Variants in TSC22D1 observed in about 807,000 individuals in gnomAD.
TSC22D1 encodes the protein TSC22 domain family protein 1.
TSC22D1 carries 9 observed loss-of-function variants against 74.2 expected under a neutral mutation model. That is an observed-to-expected ratio of 0.12 (90% CI 0.07 to 0.21). TSC22D1 has a LOEUF of 0.21. Among genes scored for constraint, TSC22D1 ranks in the 10% least tolerant of loss-of-function variants. TSC22D1 has a pLI of 1.00. For synonymous variants in TSC22D1, 586 were observed against 492.5 expected (o/e 1.19, Z -2.51); for missense variants, 1,427 against 1,304.7 (o/e 1.09, Z -1.44).
chr13:44,450,382 G>A (rs1876025185), intron 1 of TSC22D1, among the ~76,000 whole-genome samples: 1 of 152,184 alleles, frequency 6.6e-6, no homozygotes, highest in Non-Finnish European at 1.5e-5. Flanking sequence ...TTTAGTCTGA[G>A]GGCAATGAAG....
chr13:44,556,578 T>G (rs1055445674), intron 1 of TSC22D1, among the ~76,000 whole-genome samples: 4 of 151,460 alleles, frequency 2.6e-5, no homozygotes, highest in African/African-American at 4.9e-5. Flanking sequence ...TTTAAAAAAT[T>G]TTTGTAGCCA....
At chr13:44,477,744 G>T (rs1481314614) in intron 1 of TSC22D1, among the ~76,000 whole-genome samples, 2 of 150,402 alleles carry the variant, frequency 1.3e-5, no homozygotes, top group African/African-American at 2.4e-5. Flanking sequence ...CTGGGCTCAA[G>T]TGATTCTCCT....
intron 1 of TSC22D1, among the ~76,000 whole-genome samples, chr13:44,469,020 G>A (rs1388424721): frequency 2.6e-5 from 4 of 151,958 alleles, no homozygotes; most frequent in Non-Finnish European, 4.4e-5. Context: ...CCAGATTATT[G>A]ATTGCCATAT....
chr13:44,549,663 G>C lies in TSC22D1; in HGVS notation c.2912+23500C>G, dbSNP rs965156697. Among the ~76,000 whole-genome samples, 5 of 151,782 alleles carry C rather than the reference G, an allele frequency of 3.3e-5. No homozygotes were observed. In the South Asian group the frequency reaches 1.0e-3, roughly 32 times the overall value. ...ACCTGTAGTCCCAGCTACTTGGAGA[G>C]GCTGAGGTGGGAGGGTGGCTTGAGC... On this transcript the variant is annotated intron_variant, in intron 1 of 2. Coordinates refer to ENST00000458659, the MANE Select transcript of TSC22D1 (RefSeq NM_183422.4).
rs1164668676 is a variant in TSC22D1, at chr13:44,433,451, G to A, written c.*1175C>T. 2 of 152,244 alleles carry A rather than the reference G, an allele frequency of 1.3e-5. No individual in the cohort carries two copies. Among genetic ancestry groups the A allele is most frequent in the African/African-American group, 4.8e-5 (2 of 41,400 alleles). 9.4% of individuals were successfully genotyped at this position (152,244 alleles called of 1,614,324 possible). On this transcript the variant is annotated 3_prime_UTR_variant, in exon 3 of 3. Coordinates refer to ENST00000458659, the MANE Select transcript of TSC22D1 (RefSeq NM_183422.4). ...CCTTCAGGATTTTACTAGTCAAATT[G>A]TTAACTTTACCTGGAAACAGTTGTG...
chr13:44,434,390 C>A lies in TSC22D1; in HGVS notation c.*236G>T. The stretch of plus-strand genomic sequence containing the variant: ...ATATCTGCCAAGCTGCATGAGGTCC[C>A]GGTATATCCATGCTAATTCTCGGAT... On this transcript the variant is annotated 3_prime_UTR_variant, in exon 3 of 3. Transcript: ENST00000458659. The A allele has an allele frequency of 7.3e-7, 1 of 1,371,468 alleles. No individual in the cohort carries two copies. Among genetic ancestry groups the A allele is most frequent in the Non-Finnish European group, 9.3e-7 (1 of 1,071,648 alleles). 85.0% of individuals were successfully genotyped at this position (1,371,468 alleles called of 1,614,324 possible).
rs61034237 is a variant in TSC22D1 at position 44,487,498 on chromosome 13, C to CAAA, written c.2913-51406_2913-51404dup. 3.3e-3 allele frequency among the ~76,000 whole-genome samples: 78 copies of CAAA among 23,468 alleles called. 1 individual carries two copies. Among genetic ancestry groups the CAAA allele is most frequent in the African/African-American group, 5.0e-3 (23 of 4,602 alleles). The allele number at this position is 23,468 out of a possible 152,430, so 15.4% of individuals were successfully genotyped here. A position where few individuals can be genotyped will look rare whatever the true frequency, so the allele number is the denominator to read the frequency against. ...TGGGCAACAGAGCAAGACTCCATCT[C>CAAA]AAAAAAAAAAAAAAAAAAAAAAAAA... On this transcript the variant is annotated intron_variant, in intron 1 of 2. Coordinates refer to ENST00000458659, the MANE Select transcript of TSC22D1 (RefSeq NM_183422.4).
chr13:44,478,015 T>TTAG (rs1192107465), intron 1 of TSC22D1, among the ~76,000 whole-genome samples: 1 of 152,006 alleles, frequency 6.6e-6, no homozygotes, highest in Non-Finnish European at 1.5e-5. Flanking sequence ...ATTAACACTA[T>TTAG]TTTAAAGTAA....
intron 1 of TSC22D1, among the ~76,000 whole-genome samples, chr13:44,445,216 T>TACACACACAC (rs55714213): frequency 6.2e-5 from 9 of 144,784 alleles, no homozygotes; most frequent in African/African-American, 1.8e-4. Flanking sequence ...AGGTCAAAGA[T>TACACACACAC]ACACACACAC....
intron 1 of TSC22D1, among the ~76,000 whole-genome samples, chr13:44,566,147 T>G (rs557279576): frequency 6.6e-6 from 1 of 152,308 alleles, no homozygotes; most frequent in Admixed American, 6.5e-5. Flanking sequence ...CAATGAAGCC[T>G]GCCTATTTTT....
chr13:44,436,079 C>T lies in TSC22D1; in HGVS notation c.2929G>A (p.Val977Met). 6.2e-7 allele frequency: 1 copy of T among 1,613,438 alleles called. No homozygotes were observed. Among genetic ancestry groups the T allele is most frequent in the Non-Finnish European group, 8.5e-7 (1 of 1,179,804 alleles). Residue 977 changes from valine to methionine, a missense_variant, in exon 2 of 3, where the codon GTG becomes ATG. Val to Met is a conservative substitution (Grantham distance 21, BLOSUM62 1). Transcript: ENST00000458659. ...TCGATTTTGTTGTCAATAGCTACCACACTTGCACCAGAGGAGCTGAAAAAG... is the reference window on the plus strand; with the variant it reads ...TCGATTTTGTTGTCAATAGCTACCATACTTGCACCAGAGGAGCTGAAAAAG... ...GEDESSSGASVVAIDNKIEQA... is the reference protein window; with the variant it reads ...GEDESSSGASMVAIDNKIEQA...
intron 1 of TSC22D1, among the ~76,000 whole-genome samples, chr13:44,552,446 A>C (rs1213258573): frequency 6.6e-6 from 1 of 152,132 alleles, no homozygotes; most frequent in African/African-American, 2.4e-5. Context: ...TATGAAGTTA[A>C]CTAGTTCTTT....
At chr13:44,447,628 T>C (rs1285937438) in intron 1 of TSC22D1, among the ~76,000 whole-genome samples, 1 of 152,042 alleles carries the variant, frequency 6.6e-6, no homozygotes, top group East Asian at 1.9e-4. Flanking sequence ...CTTTTATTTA[T>C]ATACACCTAT....
At chr13:44,435,089 A>T (rs1428749582) in intron 2 of TSC22D1, 6 of 536,600 alleles carry the variant, frequency 1.1e-5, no homozygotes, top group African/African-American at 2.0e-5. Flanking sequence ...GCTTTGTAAA[A>T]GTCTGTGCTT....
At chr13:44,464,658 G>C (rs759123087) in intron 1 of TSC22D1, among the ~76,000 whole-genome samples, 1 of 152,206 alleles carries the variant, frequency 6.6e-6, no homozygotes, top group Non-Finnish European at 1.5e-5. Flanking sequence ...TACAGCTGGT[G>C]AATTACAGCC....
intron 1 of TSC22D1, chr13:44,436,853 C>A (rs1874705855): frequency 1.6e-6 from 2 of 1,286,396 alleles, no homozygotes; most frequent in Admixed American, 7.6e-5. Context: ...CCACTCAGCT[C>A]TAGACCAGGA....
intron 1 of TSC22D1, among the ~76,000 whole-genome samples, chr13:44,554,130 G>C (rs549053745): frequency 6.6e-6 from 1 of 152,290 alleles, no homozygotes; most frequent in Admixed American, 6.5e-5. Context: ...GAACTATCAA[G>C]AACTGAGCCA....
chr13:44,437,043 G>A (rs1036931966), intron 1 of TSC22D1: 5 of 979,400 alleles, frequency 5.1e-6, no homozygotes, highest in South Asian at 4.7e-5. Context: ...GGCCTGGCGC[G>A]GGCCGTGCTC....
intron 1 of TSC22D1, among the ~76,000 whole-genome samples, chr13:44,489,077 C>T (rs1878581538): frequency 6.6e-6 from 1 of 151,826 alleles, no homozygotes; most frequent in African/African-American, 2.4e-5. Flanking sequence ...TGAAATTAAC[C>T]CTAAATATAT....
Sources: allele counts gnomAD v4.1 joint callset (sites outside exome capture counted in the v4.1 genomes callset), GRCh38; gene constraint gnomAD v4.1.1; transcripts MANE v1.5; gene names NCBI Gene and HGNC (gene_info 2026-07-23, HGNC 2026-07-21).